The following ANKRD22 variants were observed in gnomAD, a reference collection of about 807,000 sequenced individuals.
The protein encoded by ANKRD22 is ankyrin repeat domain-containing protein 22.
ANKRD22 carries 24 observed loss-of-function variants against 25.7 expected under a neutral mutation model. The ratio of observed to expected loss-of-function variants is 0.93; its 90% CI spans 0.68 to 1.31. The LOEUF is 1.31. Ranked by LOEUF, ANKRD22 falls within the 50% of genes most tolerant of loss-of-function variation. ANKRD22 has a pLI of 0.00. For synonymous variants in ANKRD22, 84 were observed against 84.3 expected (o/e 1.00, Z 0.02); for missense variants, 214 against 227.1 (o/e 0.94, Z 0.37).
chr10:88,834,701 G>C (rs552909807), intron 1 of ANKRD22, among the ~76,000 whole-genome samples: 2 of 152,286 alleles, frequency 1.3e-5, no homozygotes, highest in Admixed American at 1.3e-4. Context: ...TTGGGAGGCC[G>C]AGGTGGGTGG....
At chr10:88,843,821 C>T (rs1472676968) in intron 1 of ANKRD22, among the ~76,000 whole-genome samples, 4 of 152,068 alleles carry the variant, frequency 2.6e-5, no homozygotes, top group African/African-American at 9.7e-5. Flanking sequence ...ATTCTTGTAA[C>T]TCTCACATAA....
At chr10:88,834,660 C>A (rs935349323) in intron 1 of ANKRD22, among the ~76,000 whole-genome samples, 2 of 152,168 alleles carry the variant, frequency 1.3e-5, no homozygotes, top group African/African-American at 4.8e-5. Flanking sequence ...TTTGGCTGGG[C>A]GCGATGGCTT....
chr10:88,845,400 C>A (rs532791155), intron 1 of ANKRD22, among the ~76,000 whole-genome samples: 1 of 152,194 alleles, frequency 6.6e-6, no homozygotes, highest in African/African-American at 2.4e-5. Flanking sequence ...TATATGCAGA[C>A]AACTCCTAAA....
At chr10:88,824,275 A>G (rs111572426) in intron 4 of ANKRD22, among the ~76,000 whole-genome samples, 3 of 152,358 alleles carry the variant, frequency 2.0e-5, no homozygotes, top group African/African-American at 7.2e-5. Flanking sequence ...CTAGGGCATT[A>G]GTGTCCAAAA....
Position 88,822,761 on chromosome 10 carries a change from T to G in ANKRD22, c.*180A>C. 1 of 604,352 alleles carries G rather than the reference T, an allele frequency of 1.7e-6. No homozygotes were observed. The highest frequency in any genetic ancestry group is 1.9e-5 in the South Asian group (1 of 51,758). 37.4% of individuals were successfully genotyped at this position (604,352 alleles called of 1,614,324 possible). A position where few individuals can be genotyped will look rare whatever the true frequency, so the allele number is the denominator to read the frequency against. On this transcript the variant is annotated 3_prime_UTR_variant, in exon 6 of 6. Coordinates refer to ENST00000371930, the MANE Select transcript of ANKRD22 (RefSeq NM_144590.3). ...TAGAAGGATTACGGCCATGGTGAAC[T>G]TGACTGAGTAAACAATGCTATAAAT...
intron 1 of ANKRD22, among the ~76,000 whole-genome samples, chr10:88,839,836 C>A (rs1843988109): frequency 6.6e-6 from 1 of 152,130 alleles, no homozygotes; most frequent in Non-Finnish European, 1.5e-5. Context: ...TCAACCTTGG[C>A]TAAATATTGC....
intron 1 of ANKRD22, among the ~76,000 whole-genome samples, chr10:88,848,836 T>C (rs571307016): frequency 6.8e-4 from 103 of 152,316 alleles, no homozygotes; most frequent in African/African-American, 2.4e-3. Flanking sequence ...TGTACCAGCT[T>C]TTCCAATAAA....
chr10:88,836,730 G>A (rs1487512572), intron 1 of ANKRD22, among the ~76,000 whole-genome samples: 1 of 152,142 alleles, frequency 6.6e-6, no homozygotes, highest in Non-Finnish European at 1.5e-5. Flanking sequence ...TGGTTATACT[G>A]GTTATACATC....
intron 1 of ANKRD22, among the ~76,000 whole-genome samples, chr10:88,848,686 G>A (rs1844076035): frequency 6.6e-6 from 1 of 152,098 alleles, no homozygotes; most frequent in South Asian, 2.1e-4. Context: ...GACTCAGAGA[G>A]GTTAAATGAC....
intron 4 of ANKRD22, among the ~76,000 whole-genome samples, chr10:88,824,737 A>C (rs749224008): frequency 6.6e-6 from 1 of 152,196 alleles, no homozygotes; most frequent in Non-Finnish European, 1.5e-5. Context: ...AAATACACAT[A>C]AATTGCTGAG....
intron 1 of ANKRD22, among the ~76,000 whole-genome samples, chr10:88,833,461 A>G (rs541581877): frequency 3.9e-5 from 6 of 152,328 alleles, no homozygotes; most frequent in African/African-American, 1.4e-4. Context: ...AGAGACACAC[A>G]TACACAGAGT....
At chr10:88,830,386 C>G (rs901710666) in intron 2 of ANKRD22, among the ~76,000 whole-genome samples, 1 of 152,100 alleles carries the variant, frequency 6.6e-6, no homozygotes. Flanking sequence ...AATCCATAGG[C>G]TTGTGCTTCT....
Position 88,822,544 on chromosome 10 carries a change from C to CTGCTTTT in ANKRD22, c.*396_*397insAAAAGCA, listed in dbSNP as rs1554832256. ...AAAGACTGAGTTTGGAACACCAGGGCTTTTTTTTTTTTTTTTTTTTTTGAG... is the reference window on the plus strand; with the variant it reads ...AAAGACTGAGTTTGGAACACCAGGGCTGCTTTTTTTTTTTTTTTTTTTTTTTTTTGAG... On this transcript the variant is annotated 3_prime_UTR_variant, in exon 6 of 6. Coordinates refer to ENST00000371930, the MANE Select transcript of ANKRD22 (RefSeq NM_144590.3). 2.2e-4 allele frequency: 8 copies of CTGCTTTT among 36,438 alleles called. No individual in the cohort carries two copies. The highest frequency in any genetic ancestry group is 4.1e-4 in the Non-Finnish European group (7 of 17,014). The allele number at this position is 36,438 out of a possible 1,614,324, so 2.3% of individuals were successfully genotyped here. A position where few individuals can be genotyped will look rare whatever the true frequency, so the allele number is the denominator to read the frequency against.
At chr10:88,845,977 A>G (rs778837521) in intron 1 of ANKRD22, among the ~76,000 whole-genome samples, 54 of 152,136 alleles carry the variant, frequency 3.5e-4, no homozygotes, top group African/African-American at 1.3e-3. Flanking sequence ...CATTATTGCT[A>G]TTATCACAAT....
At chr10:88,823,944 A>T (rs539039813) in intron 4 of ANKRD22, among the ~76,000 whole-genome samples, 177 of 152,308 alleles carry the variant, frequency 1.2e-3, no homozygotes, top group Non-Finnish European at 2.1e-3. Flanking sequence ...AATGCAACTT[A>T]AAAAAGCTGA....
chr10:88,823,139 T>C, intron 5 of ANKRD22, 121 bp from the exon 6 acceptor site: 2 of 1,225,980 alleles, frequency 1.6e-6, no homozygotes, highest in South Asian at 1.3e-5. Context: ...CTAATAGTAA[T>C]AGGATAACTT....
intron 1 of ANKRD22, among the ~76,000 whole-genome samples, chr10:88,845,183 C>T (rs1188410425): frequency 6.6e-6 from 1 of 152,078 alleles, no homozygotes; most frequent in Non-Finnish European, 1.5e-5. Context: ...GTGTTTCCCC[C>T]TCAACCCCAG....
intron 2 of ANKRD22, 125 bp from the exon 3 acceptor site, chr10:88,828,791 T>A: frequency 1.5e-6 from 1 of 664,134 alleles, no homozygotes; most frequent in Non-Finnish European, 2.5e-6. Flanking sequence ...TCTTTTCCTG[T>A]GGGATACATC....
chr10:88,850,765 C>T (rs771135659), intron 1 of ANKRD22, among the ~76,000 whole-genome samples: 28 of 151,796 alleles, frequency 1.8e-4, no homozygotes, highest in Non-Finnish European at 2.9e-4. Flanking sequence ...TTTGCACACA[C>T]GGAGAGATAT....
Sources: allele counts gnomAD v4.1 joint callset (sites outside exome capture counted in the v4.1 genomes callset), GRCh38; gene constraint gnomAD v4.1.1; transcripts MANE v1.5; gene names NCBI Gene and HGNC (gene_info 2026-07-23, HGNC 2026-07-21).